The following CA10 variants were observed in gnomAD, a reference collection of about 807,000 sequenced individuals.
CA10 encodes the protein carbonic anhydrase-related protein 10.
Under a neutral mutation model 44.2 loss-of-function variants are expected in CA10, and 14 were observed. That is an observed-to-expected ratio of 0.32 (90% CI 0.21 to 0.50). The LOEUF is 0.50. Ranked by LOEUF, CA10 falls within the 20% of genes least tolerant of loss-of-function variation. The pLI is 0.99. For missense variants in CA10, 350 were observed against 409.7 expected, an observed-to-expected ratio of 0.85 and a Z score of 1.26; for synonymous variants, 159 against 141.6, an observed-to-expected ratio of 1.12 and a Z score of -0.87.
intron 3 of CA10, among the ~76,000 whole-genome samples, chr17:51,809,056 G>A (rs931681914): frequency 1.3e-5 from 2 of 151,168 alleles, no homozygotes; most frequent in Admixed American, 6.6e-5. Flanking sequence ...CCCTGACTTG[G>A]CATCTAGATC....
intron 3 of CA10, among the ~76,000 whole-genome samples, chr17:51,749,464 G>T (rs9891580): frequency 6.6e-6 from 1 of 152,180 alleles, no homozygotes; most frequent in Non-Finnish European, 1.5e-5. Flanking sequence ...AGGAGAGGCC[G>T]TCTAGACGGG....
At chr17:51,828,287 T>C (rs1029831755) in intron 3 of CA10, among the ~76,000 whole-genome samples, 2 of 152,174 alleles carry the variant, frequency 1.3e-5, no homozygotes, top group African/African-American at 4.8e-5. Flanking sequence ...AACATCTATC[T>C]GCACCCAGTC....
intron 2 of CA10, among the ~76,000 whole-genome samples, chr17:52,040,537 T>C (rs977110594): frequency 5.9e-5 from 9 of 152,018 alleles, no homozygotes; most frequent in African/African-American, 1.4e-4. Context: ...ATAATTAGTA[T>C]AGATACATAA....
chr17:51,643,001 A>T (rs1319996540), intron 6 of CA10, among the ~76,000 whole-genome samples: 3 of 152,158 alleles, frequency 2.0e-5, no homozygotes, highest in Non-Finnish European at 4.4e-5. Context: ...GACTAAATGA[A>T]TGGGGGCATG....
intron 2 of CA10, among the ~76,000 whole-genome samples, chr17:52,035,228 AGAG>A (rs1312745035): frequency 1.8e-4 from 28 of 152,172 alleles, no homozygotes; most frequent in Admixed American, 1.8e-3. Context: ...CAGCCAGCAG[AGAG>A]GAGGAGCAGC....
chr17:52,083,204 C>G (rs1474575082), intron 1 of CA10, among the ~76,000 whole-genome samples: 1 of 149,410 alleles, frequency 6.7e-6, no homozygotes, highest in Non-Finnish European at 1.5e-5. Context: ...TCTATTACAG[C>G]TGAAATCTCT....
At chr17:51,831,734 A>AGCAGCAGCAGCAGCAGCAGCAGC (rs1555604086) in intron 3 of CA10, among the ~76,000 whole-genome samples, 5 of 145,902 alleles carry the variant, frequency 3.4e-5, no homozygotes, top group East Asian at 2.1e-4. Flanking sequence ...CAGCAGCAGA[A>AGCAGCAGCAGCAGCAGCAGCAGC]AAAGACCTTC....
In CA10 at chr17:51,747,552, T is replaced by C. The variant is rs896395881; in HGVS notation, c.465+81A>G. On this transcript the variant is annotated intron_variant, in intron 4 of 8. Transcript: ENST00000451037. ...TAGATTAGAGCGAATCCCTTTGTTA[T>C]GTTATCCCATCTTGGACACAAACAG... 13 of 1,143,790 alleles carry C rather than the reference T, an allele frequency of 1.1e-5. No homozygotes were observed. In the Admixed American group the frequency reaches 1.2e-4, roughly 10 times the overall value. 70.9% of individuals were successfully genotyped at this position (1,143,790 alleles called of 1,614,324 possible).
At chr17:52,044,818 C>A (rs978152429) in intron 2 of CA10, among the ~76,000 whole-genome samples, 7 of 151,022 alleles carry the variant, frequency 4.6e-5, no homozygotes, top group African/African-American at 1.2e-4. Flanking sequence ...AGAACCTCAA[C>A]AACTTGTGAA....
intron 2 of CA10, among the ~76,000 whole-genome samples, chr17:52,037,334 G>C (rs1376234289): frequency 6.6e-6 from 1 of 152,086 alleles, no homozygotes; most frequent in Non-Finnish European, 1.5e-5. Context: ...CAGCATCCAA[G>C]TAGCTAAGAG....
At chr17:51,678,561 A>C (rs980273396) in intron 4 of CA10, among the ~76,000 whole-genome samples, 14 of 152,214 alleles carry the variant, frequency 9.2e-5, no homozygotes, top group Non-Finnish European at 2.1e-4. Context: ...GCCCTCCAGC[A>C]TGTGTATGTG....
At chr17:51,707,485 G>A (rs187250147) in intron 4 of CA10, among the ~76,000 whole-genome samples, 489 of 152,210 alleles carry the variant, frequency 3.2e-3, no homozygotes, top group Non-Finnish European at 4.3e-3. Flanking sequence ...AATATCTCTC[G>A]GTTCCCTGAA....
At chr17:51,924,794 G>A (rs190924388) in intron 3 of CA10, among the ~76,000 whole-genome samples, 3 of 152,266 alleles carry the variant, frequency 2.0e-5, no homozygotes, top group African/African-American at 7.2e-5. Context: ...CAGACCTGGG[G>A]TGGTTATAAA....
At chr17:51,844,726 G>T (rs1978413899) in intron 3 of CA10, among the ~76,000 whole-genome samples, 1 of 152,108 alleles carries the variant, frequency 6.6e-6, no homozygotes, top group African/African-American at 2.4e-5. Context: ...CACAAAAGAG[G>T]CAGAGCCTAA....
intron 4 of CA10, among the ~76,000 whole-genome samples, chr17:51,715,703 T>A (rs1457136418): frequency 6.6e-6 from 1 of 152,212 alleles, no homozygotes; most frequent in East Asian, 1.9e-4. Flanking sequence ...TCATTCTTTT[T>A]TTTTTCAGAC....
intron 1 of CA10, among the ~76,000 whole-genome samples, chr17:52,133,362 A>AT (rs1476815081): frequency 3.3e-5 from 5 of 152,304 alleles, no homozygotes; most frequent in Admixed American, 2.0e-4. Context: ...TTAAATGTCT[A>AT]TTTTTTAAAG....
chr17:52,004,067 TATG>T (rs1410118971), intron 2 of CA10, among the ~76,000 whole-genome samples: 1 of 151,954 alleles, frequency 6.6e-6, no homozygotes, highest in African/African-American at 2.4e-5. Flanking sequence ...AATATCTACT[TATG>T]ATGATTGATT....
intron 1 of CA10, among the ~76,000 whole-genome samples, chr17:52,128,235 T>C (rs1989161703): frequency 6.6e-6 from 1 of 152,218 alleles, no homozygotes; most frequent in Non-Finnish European, 1.5e-5. Flanking sequence ...CTTTTATTAG[T>C]TATTTGTCAA....
At chr17:52,046,369 A>G (rs552715149) in intron 2 of CA10, among the ~76,000 whole-genome samples, 2 of 151,820 alleles carry the variant, frequency 1.3e-5, no homozygotes, top group Middle Eastern at 3.4e-3. Context: ...TCAACAGTAC[A>G]AAGGGAAGGA....
Sources: allele counts gnomAD v4.1 joint callset (sites outside exome capture counted in the v4.1 genomes callset), GRCh38; gene constraint gnomAD v4.1.1; transcripts MANE v1.5; gene names NCBI Gene and HGNC (gene_info 2026-07-23, HGNC 2026-07-21).